Variants in GPC5 observed in about 807,000 individuals in gnomAD.
GPC5 encodes the protein glypican-5.
GPC5 carries 47 observed loss-of-function variants against 53.9 expected under a neutral mutation model. The ratio of observed to expected loss-of-function variants is 0.87; its 90% CI spans 0.69 to 1.11. GPC5 has a LOEUF of 1.11. Ranked by LOEUF, GPC5 falls within the 50% of genes most tolerant of loss-of-function variation. The pLI is 0.00. For missense variants in GPC5, 748 were observed against 713.1 expected, an observed-to-expected ratio of 1.05 and a Z score of -0.56; for synonymous variants, 286 against 263.3, an observed-to-expected ratio of 1.09 and a Z score of -0.84.
chr13:91,853,422 C>A (rs2038935055), intron 5 of GPC5, among the ~76,000 whole-genome samples: 1 of 151,902 alleles, frequency 6.6e-6, no homozygotes, highest in Non-Finnish European at 1.5e-5. Flanking sequence ...TAAGGTACAT[C>A]TTAGAAAAGT....
At chr13:92,754,182 C>G (rs984783215) in intron 7 of GPC5, among the ~76,000 whole-genome samples, 18 of 152,158 alleles carry the variant, frequency 1.2e-4, no homozygotes, top group African/African-American at 4.1e-4. Flanking sequence ...ATTCAACATT[C>G]TTAAAGACAA....
At chr13:92,543,351 G>A (rs1222301443) in intron 7 of GPC5, among the ~76,000 whole-genome samples, 2 of 151,870 alleles carry the variant, frequency 1.3e-5, no homozygotes, top group African/African-American at 2.4e-5. Flanking sequence ...ATCATGAATT[G>A]TTTATCTGAT....
chr13:91,757,494 A>T (rs1049284464), intron 5 of GPC5, among the ~76,000 whole-genome samples: 6 of 152,082 alleles, frequency 3.9e-5, no homozygotes, highest in African/African-American at 1.4e-4. Context: ...GTAGGAGATC[A>T]TTTAATCATG....
intron 5 of GPC5, among the ~76,000 whole-genome samples, chr13:91,898,777 C>CT (rs1662835532): frequency 2.6e-5 from 4 of 151,978 alleles, no homozygotes; most frequent in Admixed American, 2.0e-4. Flanking sequence ...GTGCTAGATT[C>CT]TGTGACCTGT....
At chr13:91,757,403 A>G (rs1328195826) in intron 5 of GPC5, among the ~76,000 whole-genome samples, 1 of 152,102 alleles carries the variant, frequency 6.6e-6, no homozygotes, top group South Asian at 2.1e-4. Flanking sequence ...TTTCTGACAG[A>G]TATGGTTTGG....
chr13:91,776,151 A>C (rs536218397), intron 5 of GPC5, among the ~76,000 whole-genome samples: 30 of 152,300 alleles, frequency 2.0e-4, no homozygotes, highest in African/African-American at 7.2e-4. Flanking sequence ...GACCCGAGAC[A>C]GCTGAGATGA....
intron 6 of GPC5, among the ~76,000 whole-genome samples, chr13:92,139,839 G>A (rs1236688005): frequency 2.0e-5 from 3 of 152,044 alleles, no homozygotes; most frequent in Middle Eastern, 3.2e-3. Flanking sequence ...ATTAGATATA[G>A]AGGGCATTGA....
intron 7 of GPC5, among the ~76,000 whole-genome samples, chr13:92,779,555 C>G (rs1875945811): frequency 6.6e-6 from 1 of 152,034 alleles, no homozygotes; most frequent in Non-Finnish European, 1.5e-5. Flanking sequence ...TGGGGTCTTT[C>G]TAGGTTGCCC....
intron 5 of GPC5, among the ~76,000 whole-genome samples, chr13:91,826,682 C>A (rs543649203): frequency 1.3e-5 from 2 of 152,050 alleles, no homozygotes; most frequent in South Asian, 2.1e-4. Flanking sequence ...GGAACTGACA[C>A]GAGAATTGAC....
intron 7 of GPC5, among the ~76,000 whole-genome samples, chr13:92,710,791 T>A (rs958873501): frequency 6.6e-6 from 1 of 152,180 alleles, no homozygotes; most frequent in Non-Finnish European, 1.5e-5. Flanking sequence ...TGTGAAACAA[T>A]GAACTATAAA....
At chr13:92,789,438 C>T (rs571995828) in intron 7 of GPC5, among the ~76,000 whole-genome samples, 162 of 152,220 alleles carry the variant, frequency 1.1e-3, no homozygotes, top group Non-Finnish European at 1.6e-3. Context: ...GACAAGATTA[C>T]ACAGGGGAGA....
chr13:92,199,501 T>C (rs1396340818), intron 7 of GPC5, among the ~76,000 whole-genome samples: 2 of 152,194 alleles, frequency 1.3e-5, no homozygotes, highest in East Asian at 1.9e-4. Context: ...TTTTCTTTCA[T>C]AAAAATTTAA....
chr13:91,604,315 G>A (rs61966890), intron 2 of GPC5, among the ~76,000 whole-genome samples: 6,113 of 146,172 alleles, frequency 0.042, 213 homozygotes, highest in South Asian at 0.23. Context: ...GTATTCCATG[G>A]TGTATATGTG....
At chr13:92,202,446 C>T (rs935518041) in intron 7 of GPC5, among the ~76,000 whole-genome samples, 42 of 152,166 alleles carry the variant, frequency 2.8e-4, no homozygotes, top group Admixed American at 2.2e-3. Flanking sequence ...CAAATAGCCA[C>T]TTACTATAGA....
intron 7 of GPC5, among the ~76,000 whole-genome samples, chr13:92,656,828 T>A (rs1159431050): frequency 1.3e-5 from 2 of 152,144 alleles, no homozygotes; most frequent in South Asian, 2.1e-4. Context: ...GTGGCATGCA[T>A]CCATAATCCC....
chr13:92,671,510 G>T (rs1383798836), intron 7 of GPC5, among the ~76,000 whole-genome samples: 4 of 152,294 alleles, frequency 2.6e-5, no homozygotes, highest in Middle Eastern at 3.4e-3. Flanking sequence ...TTAGGAAACA[G>T]TCAAGAAAAC....
At chr13:91,899,024 C>CT (rs1427442052) in intron 5 of GPC5, among the ~76,000 whole-genome samples, 1 of 152,154 alleles carries the variant, frequency 6.6e-6, no homozygotes, top group African/African-American at 2.4e-5. Flanking sequence ...ACCTTACTAT[C>CT]ACATTAGCAT....
At chr13:92,299,746 G>T (rs1388709283) in intron 7 of GPC5, among the ~76,000 whole-genome samples, 7 of 152,088 alleles carry the variant, frequency 4.6e-5, no homozygotes, top group Admixed American at 4.6e-4. Context: ...ATCTAAAATT[G>T]TGTACATTTA....
intron 7 of GPC5, among the ~76,000 whole-genome samples, chr13:92,267,616 T>A (rs1386605506): frequency 6.6e-6 from 1 of 152,108 alleles, no homozygotes; most frequent in African/African-American, 2.4e-5. Flanking sequence ...AATTTCATGC[T>A]TTTTAAAATT....
Sources: gnomAD v4.1 joint callset for allele counts (sites outside exome capture counted in the v4.1 genomes callset) on GRCh38, gnomAD v4.1.1 for gene constraint, MANE v1.5 for transcripts, NCBI Gene and HGNC (gene_info 2026-07-23, HGNC 2026-07-21) for gene names.